The following CLDN16 variants were observed in gnomAD, a reference collection of about 807,000 sequenced individuals.
CLDN16 encodes the protein claudin 16, also known as claudin-16.
Under a neutral mutation model 24.6 loss-of-function variants are expected in CLDN16, and 13 were observed. The observed-to-expected ratio is 0.53, with a 90% CI of 0.34 to 0.84. The LOEUF is 0.84. Ranked by LOEUF, CLDN16 falls within the 40% of genes least tolerant of loss-of-function variation. The pLI is 0.01. For missense variants in CLDN16, 298 were observed against 292.7 expected (o/e 1.02, Z -0.13); for synonymous variants, 116 against 106.7 (o/e 1.09, Z -0.54).
the CLDN16 span, chr3:190,306,327 C>G: frequency 6.6e-6 from 1 of 152,236 alleles, no homozygotes; most frequent in Admixed American, 6.5e-5. Context: ...TTAGTGCACT[C>G]AATTTTACTT....
chr3:190,408,807 G>A (rs962271379), intron 4 of CLDN16, among the ~76,000 whole-genome samples: 12 of 143,768 alleles, frequency 8.3e-5, no homozygotes, highest in South Asian at 2.2e-4. Flanking sequence ...TATACATACC[G>A]TATATATACT....
At chr3:190,343,924 G>A (rs953734612) in intron 1 of CLDN16, among the ~76,000 whole-genome samples, 9 of 152,010 alleles carry the variant, frequency 5.9e-5, no homozygotes, top group African/African-American at 2.2e-4. Flanking sequence ...AAATAATAAT[G>A]TACTGTAGTC....
intron 1 of CLDN16, among the ~76,000 whole-genome samples, chr3:190,397,047 G>A (rs1718838558): frequency 6.6e-6 from 1 of 152,130 alleles, no homozygotes; most frequent in African/African-American, 2.4e-5. Flanking sequence ...TTGTTGCTTT[G>A]TGAGACTGGT....
At chr3:190,394,181 A>C (rs985729394) in intron 1 of CLDN16, among the ~76,000 whole-genome samples, 2 of 152,218 alleles carry the variant, frequency 1.3e-5, no homozygotes, top group African/African-American at 4.8e-5. Flanking sequence ...AGATAATAGC[A>C]TTGTTAATAT....
the CLDN16 span, among the ~76,000 whole-genome samples, chr3:190,301,640 A>G: frequency 0.037 from 5,703 of 152,236 alleles, 190 homozygotes; most frequent in South Asian, 0.16. Flanking sequence ...CTTAGGCAAA[A>G]AGCTTTGGAA....
chr3:190,331,791 G>A (rs561889591), intron 1 of CLDN16, among the ~76,000 whole-genome samples: 2 of 152,240 alleles, frequency 1.3e-5, no homozygotes, highest in Admixed American at 6.5e-5. Flanking sequence ...TTTGTTATTT[G>A]CAGTTCTGTA....
At chr3:190,393,780 T>G (rs1273768815) in intron 1 of CLDN16, among the ~76,000 whole-genome samples, 1 of 140,298 alleles carries the variant, frequency 7.1e-6, no homozygotes, top group Non-Finnish European at 1.5e-5. Context: ...AATCAGAATC[T>G]CTCTCTGTCG....
chr3:190,293,198 G>A, the CLDN16 span, among the ~76,000 whole-genome samples: 36 of 152,336 alleles, frequency 2.4e-4, no homozygotes, highest in Admixed American at 1.7e-3. Context: ...AATGTGTGAA[G>A]GAAGTGAAGG....
At chr3:190,402,305 T>A in intron 1 of CLDN16, 32 bp from the exon 2 acceptor site, 1 of 1,523,446 alleles carries the variant, frequency 6.6e-7, no homozygotes, top group South Asian at 1.1e-5. Flanking sequence ...CCTGCATGAA[T>A]TGTTTCACAC....
upstream of CLDN16, chr3:190,322,162 G>C: frequency 5.0e-6 from 8 of 1,614,190 alleles, no homozygotes; most frequent in Non-Finnish European, 6.8e-6. Context: ...TCCATCCCAG[G>C]AAGGCGAGAA....
At chr3:190,374,593 AGCATGTGAAGGT>A (rs1392400278) in intron 3 of CLDN16, 1 of 151,878 alleles carries the variant, frequency 6.6e-6, no homozygotes, top group Non-Finnish European at 1.5e-5. Context: ...TAACACATAC[AGCATGTGAAGGT>A]CAGCATGTTA....
At chr3:190,350,886 T>C (rs888649033) in intron 1 of CLDN16, among the ~76,000 whole-genome samples, 9 of 152,140 alleles carry the variant, frequency 5.9e-5, no homozygotes, top group Non-Finnish European at 1.0e-4. Context: ...TTCCTCGCAG[T>C]CTTCTTCATT....
At chr3:190,359,553 A>C (rs1577408764) in intron 1 of CLDN16, among the ~76,000 whole-genome samples, 1 of 152,008 alleles carries the variant, frequency 6.6e-6, no homozygotes, top group Non-Finnish European at 1.5e-5. Context: ...GTCAACTATC[A>C]CCTAGTGAAA....
At chr3:190,396,864 G>C (rs1718833215) in intron 1 of CLDN16, among the ~76,000 whole-genome samples, 1 of 53,144 alleles carries the variant, frequency 1.9e-5, no homozygotes, top group African/African-American at 8.7e-5. Flanking sequence ...CAGGTTGAGA[G>C]CAAGGAGTTA....
chr3:190,314,457 C>T, the CLDN16 span, among the ~76,000 whole-genome samples: 593 of 152,066 alleles, frequency 3.9e-3, 4 homozygotes, highest in African/African-American at 0.013. Context: ...TGCAGTGGTG[C>T]GATATGGGCT....
the CLDN16 span, among the ~76,000 whole-genome samples, chr3:190,300,454 G>A: frequency 2.0e-5 from 3 of 152,120 alleles, no homozygotes; most frequent in Non-Finnish European, 4.4e-5. Flanking sequence ...AGACCAGGCT[G>A]TATTTGTTAA....
intron 1 of CLDN16, among the ~76,000 whole-genome samples, chr3:190,363,948 G>A (rs1717963222): frequency 6.6e-6 from 1 of 151,882 alleles, no homozygotes; most frequent in Non-Finnish European, 1.5e-5. Context: ...AAAAACAAAA[G>A]GTGAAGTATC....
intron 3 of CLDN16, among the ~76,000 whole-genome samples, chr3:190,382,686 TCTGAAGC>T (rs1370953833): frequency 6.6e-6 from 1 of 152,152 alleles, no homozygotes; most frequent in African/African-American, 2.4e-5. Context: ...AGTTATATTC[TCTGAAGC>T]CTGCCAGAAA....
Position 190,392,407 on chromosome 3 carries a change from C to G in CLDN16, c.114+3964C>G, listed in dbSNP as rs1718703527. Among the ~76,000 whole-genome samples the G allele has an allele frequency of 2.0e-5, 3 of 149,722 alleles. No homozygotes were observed. The South Asian group carries it at 6.4e-4, about 32-fold the overall frequency. ...TCATTTCTCTCTCTTTTCTTTCTAC[C>G]TTTTGTCATTTCACAAATAATCTCT... On this transcript the variant is annotated intron_variant, in intron 1 of 4. Coordinates refer to ENST00000264734, the MANE Select transcript of CLDN16 (RefSeq NM_006580.4).
Sources: allele counts gnomAD v4.1 joint callset (sites outside exome capture counted in the v4.1 genomes callset), GRCh38; gene constraint gnomAD v4.1.1; transcripts MANE v1.5; gene names NCBI Gene and HGNC (gene_info 2026-07-23, HGNC 2026-07-21).